The following PIEZO2 variants were observed in gnomAD, a reference collection of about 807,000 sequenced individuals.
PIEZO2 encodes the protein piezo type mechanosensitive ion channel component 2.
Under a neutral mutation model 337.3 loss-of-function variants are expected in PIEZO2, and 172 were observed. The observed-to-expected ratio is 0.51, with a 90% CI of 0.45 to 0.58. The LOEUF is 0.58. Ranked by LOEUF, PIEZO2 falls within the 20% of genes least tolerant of loss-of-function variation. The probability of loss-of-function intolerance (pLI) is 0.00; values close to 1 mark genes in which losing one functional copy is unlikely to be tolerated. For synonymous variants in PIEZO2, 1,251 were observed against 1,228.5 expected, an observed-to-expected ratio of 1.02 and a Z score of -0.38; for missense variants, 3,028 against 3,391.3, an observed-to-expected ratio of 0.89 and a Z score of 2.66.
intron 2 of PIEZO2, among the ~76,000 whole-genome samples, chr18:11,024,406 C>T (rs1297555799): frequency 1.3e-5 from 2 of 151,472 alleles, no homozygotes; most frequent in East Asian, 2.0e-4. Flanking sequence ...ATTAGCCGGG[C>T]GTAGTGGCGG....
intron 2 of PIEZO2, among the ~76,000 whole-genome samples, chr18:10,983,037 A>G (rs1299707821): frequency 6.6e-6 from 1 of 152,198 alleles, no homozygotes; most frequent in Non-Finnish European, 1.5e-5. Flanking sequence ...ATAAGTTTAA[A>G]CAAACAGAAA....
chr18:11,056,977 G>A (rs746307516), intron 2 of PIEZO2, among the ~76,000 whole-genome samples: 1 of 152,228 alleles, frequency 6.6e-6, no homozygotes, highest in Non-Finnish European at 1.5e-5. Context: ...GGAATATTCT[G>A]TGCATTGAAT....
rs1240397202 is a variant in PIEZO2 at position 11,129,145 on chromosome 18, G to A, written c.64+19380C>T. On this transcript the variant is annotated intron_variant, in intron 1 of 55. Coordinates refer to ENST00000674853, the MANE Select transcript of PIEZO2 (RefSeq NM_001378183.1). The surrounding 1 kb of genome is among the most constrained non-coding windows in gnomAD (Gnocchi z 4.6). The stretch of plus-strand genomic sequence containing the variant: ...ATGGTGGAGTGGATTAGTCACTTTA[G>A]ACCTACGCATCCCAGCTGAGAGGGT... Among the ~76,000 whole-genome samples the A allele has an allele frequency of 6.6e-6, 1 of 152,168 alleles. No individual in the cohort carries two copies. Among genetic ancestry groups the A allele is most frequent in the Non-Finnish European group, 1.5e-5 (1 of 68,034 alleles).
rs908554078 is a variant in PIEZO2, at chr18:11,109,198, C to T, written c.64+39327G>A. 2.0e-5 allele frequency among the ~76,000 whole-genome samples: 3 copies of T among 152,206 alleles called. No homozygotes were observed. The highest frequency in any genetic ancestry group is 4.4e-5 in the Non-Finnish European group (3 of 68,030). ...GACAACTCCACCACGTCCATAACCT[C>T]ATGGAAGTGCAGCTGGAGATTTTAT... is the stretch of plus-strand genomic sequence containing the variant. On this transcript the variant is annotated intron_variant, in intron 1 of 55. Transcript: ENST00000674853. This position sits in a 1 kb window ranked among gnomAD's most constrained non-coding sequence, Gnocchi z 5.1.
At chr18:11,064,149 C>T (rs551394928) in intron 2 of PIEZO2, among the ~76,000 whole-genome samples, 1 of 152,264 alleles carries the variant, frequency 6.6e-6, no homozygotes, top group South Asian at 2.1e-4. Context: ...TGGTCTAACA[C>T]AAGATGCCTC....
At chr18:10,733,670 G>A (rs539253827) in intron 35 of PIEZO2, among the ~76,000 whole-genome samples, 3 of 152,166 alleles carry the variant, frequency 2.0e-5, no homozygotes, top group Admixed American at 6.5e-5. Context: ...GGATGGTCTC[G>A]ATCTCCTGAC....
intron 1 of PIEZO2, among the ~76,000 whole-genome samples, chr18:11,066,960 A>T (rs2038174475): frequency 6.6e-6 from 1 of 152,202 alleles, no homozygotes; most frequent in Admixed American, 6.5e-5. Context: ...ATACTCTGTG[A>T]TACTATAAAA....
rs958166441 is a variant in PIEZO2 at position 10,945,520 on chromosome 18, C to G, written c.286+34015G>C. 4.6e-5 allele frequency among the ~76,000 whole-genome samples: 7 copies of G among 152,098 alleles called. No homozygotes were observed. Among genetic ancestry groups the G allele is most frequent in the African/African-American group, 1.4e-4 (6 of 41,406 alleles). On this transcript the variant is annotated intron_variant, in intron 3 of 55. Transcript: ENST00000674853. The surrounding 1 kb of genome is among the most constrained non-coding windows in gnomAD (Gnocchi z 4.0). ...GCCTCACAAATGTTTAAACAAAACA[C>G]CCCCAAGAGATCAAAACATTTCCAA...
chr18:10,890,913 A>AT (rs999293838), intron 4 of PIEZO2, among the ~76,000 whole-genome samples: 2 of 152,166 alleles, frequency 1.3e-5, no homozygotes, highest in Non-Finnish European at 2.9e-5. Flanking sequence ...CCAGTACTTT[A>AT]TTTTTTCTGT....
intron 4 of PIEZO2, among the ~76,000 whole-genome samples, chr18:10,891,781 T>C (rs1037055126): frequency 5.9e-5 from 9 of 152,196 alleles, no homozygotes; most frequent in Admixed American, 3.3e-4. Context: ...AATAAAATAG[T>C]AATCAAATGA....
At chr18:10,736,521 G>A (rs550989420) in intron 34 of PIEZO2, 83 bp downstream of exon 34, 1 of 1,501,828 alleles carries the variant, frequency 6.7e-7, no homozygotes. Flanking sequence ...GAATATTACA[G>A]GAGGTGTCTA....
chr18:10,878,029 C>A lies in PIEZO2; in HGVS notation c.330-6614G>T, dbSNP rs117295840. Among the ~76,000 whole-genome samples the A allele has an allele frequency of 5.9e-5, 9 of 152,296 alleles. No homozygotes were observed. Among genetic ancestry groups the A allele is most frequent in the Non-Finnish European group, 1.3e-4 (9 of 68,020 alleles). Reference sequence around the variant, plus strand: ...ATCTCTAAAAACACACCTGCCATGTCTCCTCTGTGAAGCCCTTCCTACCTT... The same window carrying A: ...ATCTCTAAAAACACACCTGCCATGTATCCTCTGTGAAGCCCTTCCTACCTT... On this transcript the variant is annotated intron_variant, in intron 4 of 55. Transcript: ENST00000674853. The surrounding 1 kb of genome is among the most constrained non-coding windows in gnomAD (Gnocchi z 4.3).
At chr18:11,085,172 G>A (rs1278791101) in intron 1 of PIEZO2, among the ~76,000 whole-genome samples, 1 of 152,074 alleles carries the variant, frequency 6.6e-6, no homozygotes, top group Admixed American at 6.5e-5. Flanking sequence ...AGTATTATCG[G>A]CAGCTAGATC....
chr18:10,787,416 T>C (rs2039261352), intron 15 of PIEZO2, among the ~76,000 whole-genome samples: 1 of 152,218 alleles, frequency 6.6e-6, no homozygotes, highest in Non-Finnish European at 1.5e-5. Context: ...AGGCTGAACC[T>C]TCCATAAGTG....
chr18:10,720,002 A>T (rs1441818600), intron 36 of PIEZO2, among the ~76,000 whole-genome samples: 1 of 151,938 alleles, frequency 6.6e-6, no homozygotes, highest in East Asian at 1.9e-4. Context: ...CTGATAGAGG[A>T]TGTTGTCATA....
Position 10,672,857 on chromosome 18 carries a change from A to T in PIEZO2, c.8178T>A (p.Asp2726Glu). The T allele has an allele frequency of 6.2e-7, 1 of 1,600,204 alleles. No homozygotes were observed. Among genetic ancestry groups the T allele is most frequent in the South Asian group, 1.1e-5 (1 of 87,786 alleles). ...KQLLSENNFMDITIILSRDNT... is the reference protein window; with the variant it reads ...KQLLSENNFMEITIILSRDNT... The stretch of plus-strand genomic sequence containing the variant: ...TGTCTCTGGACAAAATGATGGTAAT[A>T]TCCATGAAATTATTTTCTAGAAGGG... The change falls in exon 55 of 56, where the codon GAT (aspartate) becomes GAA (glutamate). Residue 2726 changes from aspartate to glutamate, a missense_variant. By Grantham distance (45) the Asp-to-Glu change is conservative (BLOSUM62 2). Coordinates refer to ENST00000674853, the MANE Select transcript of PIEZO2 (RefSeq NM_001378183.1). This position sits in a 1 kb window ranked among gnomAD's most constrained non-coding sequence, Gnocchi z 4.7.
chr18:11,006,041 T>C (rs1036114112), intron 2 of PIEZO2, among the ~76,000 whole-genome samples: 7 of 151,438 alleles, frequency 4.6e-5, no homozygotes, highest in African/African-American at 1.7e-4. Flanking sequence ...ATTTCTCTCG[T>C]TGGATCTTAC....
In PIEZO2 at chr18:11,092,878, G is replaced by C. The variant is rs1004048167; in HGVS notation, c.65-26656C>G. Among the ~76,000 whole-genome samples, 1 of 152,128 alleles carries C rather than the reference G, an allele frequency of 6.6e-6. No homozygotes were observed. Among genetic ancestry groups the C allele is most frequent in the African/African-American group, 2.4e-5 (1 of 41,428 alleles). On this transcript the variant is annotated intron_variant, in intron 1 of 55. Coordinates refer to ENST00000674853, the MANE Select transcript of PIEZO2 (RefSeq NM_001378183.1). The surrounding 1 kb of genome is among the most constrained non-coding windows in gnomAD (Gnocchi z 4.5). Reference sequence around the variant, plus strand: ...GCAATCGCCAGCTCTCACATCTCTTGCTATTCCCCCTCAAGAACTGTTCTC... The same window carrying C: ...GCAATCGCCAGCTCTCACATCTCTTCCTATTCCCCCTCAAGAACTGTTCTC...
chr18:10,782,765 C>A (rs1449643324), intron 17 of PIEZO2, among the ~76,000 whole-genome samples: 1 of 151,734 alleles, frequency 6.6e-6, no homozygotes, highest in Non-Finnish European at 1.5e-5. Context: ...GGCTGTGAAG[C>A]GGCAGCTGAG....
Sources: allele counts gnomAD v4.1 joint callset (sites outside exome capture counted in the v4.1 genomes callset), GRCh38; gene constraint gnomAD v4.1.1; non-coding constraint Gnocchi (gnomAD v3.1); transcripts MANE v1.5; gene names NCBI Gene and HGNC (gene_info 2026-07-23, HGNC 2026-07-21).